The following WARS2 variants were observed in gnomAD, a reference collection of about 807,000 sequenced individuals.
WARS2 encodes tryptophan--tRNA ligase, mitochondrial.
WARS2 carries 28 observed loss-of-function variants against 36.5 expected under a neutral mutation model. The ratio of observed to expected loss-of-function variants is 0.77; its 90% CI spans 0.57 to 1.05. WARS2 has a LOEUF of 1.05. Ranked by LOEUF, WARS2 falls within the 50% of genes least tolerant of loss-of-function variation. The pLI is 0.00. For missense variants in WARS2, 435 were observed against 456.8 expected (o/e 0.95, Z 0.44); for synonymous variants, 174 against 178.4 (o/e 0.98, Z 0.20).
chr1:119,081,821 CAG>C (rs1487504442), intron 1 of WARS2, among the ~76,000 whole-genome samples: 1 of 152,094 alleles, frequency 6.6e-6, no homozygotes, highest in Non-Finnish European at 1.5e-5. Context: ...AGAGCTGAAA[CAG>C]AGAAGACCCG....
At chr1:119,125,163 T>C (rs965032705) in intron 1 of WARS2, among the ~76,000 whole-genome samples, 3 of 152,218 alleles carry the variant, frequency 2.0e-5, no homozygotes, top group Non-Finnish European at 2.9e-5. Flanking sequence ...TCTTCAAACA[T>C]GACAGTTTAG....
intron 2 of WARS2, among the ~76,000 whole-genome samples, chr1:119,058,714 G>A (rs375269409): frequency 1.6e-5 from 2 of 122,778 alleles, no homozygotes; most frequent in African/African-American, 3.9e-5. Context: ...ATCATTGTTG[G>A]ACATTTGGGT....
In WARS2 at chr1:119,085,446, G is replaced by A. The variant is rs1557970329; in HGVS notation, c.91-8839C>T. 4 of 1,514,336 alleles carry A rather than the reference G, an allele frequency of 2.6e-6. No homozygotes were observed. In the African/African-American group the frequency reaches 4.3e-5, roughly 16 times the overall value. The allele number at this position is 1,514,336 out of a possible 1,614,324, so 93.8% of individuals were successfully genotyped here. ...CTCTGCCTGTACCTCCCAGTCAGTTGTCTCTTTTTCTTTTTTTCCTTTTTG... is the reference window on the plus strand; with the variant it reads ...CTCTGCCTGTACCTCCCAGTCAGTTATCTCTTTTTCTTTTTTTCCTTTTTG... On this transcript the variant is annotated intron_variant, in intron 1 of 5. Transcript: ENST00000235521.
intron 1 of WARS2, among the ~76,000 whole-genome samples, chr1:119,098,159 G>T (rs587718394): frequency 1.3e-5 from 2 of 152,174 alleles, no homozygotes; most frequent in African/African-American, 4.8e-5. Flanking sequence ...TGAGGCAGAA[G>T]AATCGCTTGA....
At position 119,140,542 on chromosome 1, in the gene WARS2, C is replaced by A. The variant is rs1237564466; in HGVS notation, c.90+13G>T. ...GATGGGAAGCCGCGGAGGGAAGGGCCGTCTTTGGTTACCTGGAGAGCGGGA... is the reference window on the plus strand; with the variant it reads ...GATGGGAAGCCGCGGAGGGAAGGGCAGTCTTTGGTTACCTGGAGAGCGGGA... On this transcript the variant is annotated intron_variant, in intron 1 of 5. Coordinates refer to ENST00000235521, the MANE Select transcript of WARS2 (RefSeq NM_015836.4). 2 of 1,611,796 alleles carry A rather than the reference C, an allele frequency of 1.2e-6. No homozygotes were observed. The highest frequency in any genetic ancestry group is 1.7e-6 in the Non-Finnish European group (2 of 1,178,402).
At chr1:119,100,941 G>A (rs1653813232) in intron 1 of WARS2, among the ~76,000 whole-genome samples, 1 of 152,112 alleles carries the variant, frequency 6.6e-6, no homozygotes, top group Admixed American at 6.5e-5. Context: ...CCTGGCAAGT[G>A]AAATAAGCCA....
At chr1:119,104,832 A>G (rs1423499064) in intron 1 of WARS2, among the ~76,000 whole-genome samples, 2 of 151,656 alleles carry the variant, frequency 1.3e-5, no homozygotes, top group African/African-American at 4.8e-5. Context: ...TGATCAAGTG[A>G]TCACAGGACG....
chr1:119,042,198 G>T, intron 4 of WARS2, 66 bp downstream of exon 4: 1 of 1,492,568 alleles, frequency 6.7e-7, no homozygotes, highest in Non-Finnish European at 9.3e-7. Context: ...AGTCTGTATT[G>T]AATAGGTTAA....
At chr1:119,127,247 C>A in intron 1 of WARS2, 1 of 769,770 alleles carries the variant, frequency 1.3e-6, no homozygotes, top group South Asian at 1.4e-5. Flanking sequence ...TCTTGGCTCC[C>A]TTTTTGCCGC....
At chr1:119,110,131 T>C (rs1318437965) in intron 1 of WARS2, among the ~76,000 whole-genome samples, 2 of 152,054 alleles carry the variant, frequency 1.3e-5, no homozygotes, top group East Asian at 3.8e-4. Flanking sequence ...ACATTGTTGC[T>C]ATAATTATTT....
chr1:119,127,586 A>G (rs1268596354), intron 1 of WARS2, among the ~76,000 whole-genome samples: 1 of 152,200 alleles, frequency 6.6e-6, no homozygotes, highest in East Asian at 1.9e-4. Context: ...TGCAGAACCC[A>G]TATACAAACC....
intron 2 of WARS2, chr1:119,063,621 G>A (rs1210094980): frequency 6.6e-6 from 1 of 152,184 alleles, no homozygotes; most frequent in Non-Finnish European, 1.5e-5. Context: ...TAGGGACTTG[G>A]CGCACTGTGT....
intron 1 of WARS2, among the ~76,000 whole-genome samples, chr1:119,079,137 A>G (rs1651995920): frequency 6.6e-6 from 1 of 152,106 alleles, no homozygotes; most frequent in Admixed American, 6.5e-5. Context: ...TATTGAAAAG[A>G]CTGTCTCTTC....
At chr1:119,085,355 C>T (rs1652551577) in intron 1 of WARS2, 1 of 1,364,166 alleles carries the variant, frequency 7.3e-7, no homozygotes, top group Admixed American at 1.7e-5. Flanking sequence ...TGCTGCTGTG[C>T]TTCTTAGGGC....
intron 1 of WARS2, chr1:119,085,279 C>A: frequency 1.0e-6 from 1 of 990,946 alleles, no homozygotes; most frequent in South Asian, 1.3e-5. Context: ...CCAGAGTAGG[C>A]AGTCCTGGCC....
intron 2 of WARS2, among the ~76,000 whole-genome samples, chr1:119,048,206 A>C (rs751227749): frequency 2.0e-5 from 3 of 152,224 alleles, no homozygotes; most frequent in Admixed American, 6.5e-5. Context: ...TAAGCATTGC[A>C]AAGTAGTTAA....
intron 2 of WARS2, among the ~76,000 whole-genome samples, chr1:119,067,791 T>C (rs1458929742): frequency 1.3e-5 from 2 of 152,048 alleles, no homozygotes; most frequent in Non-Finnish European, 2.9e-5. Flanking sequence ...AAGCTGAGTA[T>C]GTCTGGCTTC....
At chr1:119,138,789 G>T (rs967573730) in intron 1 of WARS2, among the ~76,000 whole-genome samples, 5 of 151,984 alleles carry the variant, frequency 3.3e-5, no homozygotes, top group Non-Finnish European at 4.4e-5. Flanking sequence ...TCTACTCAAA[G>T]CTAAATTAAA....
intron 2 of WARS2, among the ~76,000 whole-genome samples, chr1:119,051,216 T>C (rs767050485): frequency 3.3e-5 from 5 of 152,134 alleles, no homozygotes; most frequent in Non-Finnish European, 7.4e-5. Flanking sequence ...CCAGTGTCTG[T>C]TGTTCCCCTC....
Sources: gnomAD v4.1 joint callset for allele counts (sites outside exome capture counted in the v4.1 genomes callset) on GRCh38, gnomAD v4.1.1 for gene constraint, MANE v1.5 for transcripts, NCBI Gene and HGNC (gene_info 2026-07-23, HGNC 2026-07-21) for gene names.